Variants in CACNA1E observed in about 807,000 individuals in gnomAD.
CACNA1E encodes the protein calcium voltage-gated channel subunit alpha1 E.
A neutral mutation model predicts 259.2 loss-of-function variants in CACNA1E; 40 were observed. That is an observed-to-expected ratio of 0.15 (90% CI 0.12 to 0.20). CACNA1E has a LOEUF of 0.20. Among genes scored for constraint, CACNA1E ranks in the 10% least tolerant of loss-of-function variants. The pLI is 1.00. For synonymous variants in CACNA1E, 1,104 were observed against 1,138.5 expected (o/e 0.97, Z 0.61); for missense variants, 1,874 against 3,040.1 (o/e 0.62, Z 9.02).
At position 181,694,904 on chromosome 1, in the gene CACNA1E, G is replaced by A. The variant is rs373940621; in HGVS notation, c.1056-16050G>A. Among the ~76,000 whole-genome samples, 18 of 152,146 alleles carry A rather than the reference G, an allele frequency of 1.2e-4. No homozygotes were observed. In the East Asian group the frequency reaches 3.5e-3, roughly 29 times the overall value. The stretch of plus-strand genomic sequence containing the variant: ...ATAAGGAAAGGAAAGAAAATAAAGG[G>A]TACATAAATTGGAAAGGAAAAAATA... On this transcript the variant is annotated intron_variant, in intron 7 of 47. Transcript: ENST00000367573.
intron 6 of CACNA1E, among the ~76,000 whole-genome samples, chr1:181,614,848 C>T (rs1463575443): frequency 6.6e-6 from 1 of 152,144 alleles, no homozygotes. Flanking sequence ...CTAGGTTACA[C>T]AGTTCTGTAA....
At chr1:181,372,298 G>A (rs1440386478) in intron 1 of CACNA1E, among the ~76,000 whole-genome samples, 1 of 152,012 alleles carries the variant, frequency 6.6e-6, no homozygotes, top group Non-Finnish European at 1.5e-5. Flanking sequence ...AGTTCTCATT[G>A]TAGTGAACTT....
At chr1:181,694,845 C>T (rs553238150) in intron 7 of CACNA1E, among the ~76,000 whole-genome samples, 2 of 152,072 alleles carry the variant, frequency 1.3e-5, no homozygotes, top group East Asian at 1.9e-4. Flanking sequence ...TACCACTTGT[C>T]TTTAATGTTG....
intron 8 of CACNA1E, among the ~76,000 whole-genome samples, chr1:181,712,331 C>T (rs775820771): frequency 8.5e-5 from 13 of 152,216 alleles, no homozygotes; most frequent in African/African-American, 1.9e-4. Context: ...AAAAACTACA[C>T]GTATGACAGT....
chr1:181,443,955 G>A (rs1329066197), intron 2 of CACNA1E, among the ~76,000 whole-genome samples: 1 of 152,116 alleles, frequency 6.6e-6, no homozygotes, highest in Non-Finnish European at 1.5e-5. Context: ...GATTTTCTGG[G>A]GCCAGATCAA....
chr1:181,502,004 T>C (rs1451498501), intron 1 of CACNA1E, among the ~76,000 whole-genome samples: 1 of 152,196 alleles, frequency 6.6e-6, no homozygotes, highest in Non-Finnish European at 1.5e-5. Context: ...AGCAATGAGA[T>C]GATGACATGG....
chr1:181,555,925 G>T (rs780254291), intron 3 of CACNA1E, among the ~76,000 whole-genome samples: 1 of 152,146 alleles, frequency 6.6e-6, no homozygotes, highest in Non-Finnish European at 1.5e-5. Flanking sequence ...GTTCAGAAAA[G>T]CTTCCCCCAT....
chr1:181,382,978 T>C (rs904560224), intron 1 of CACNA1E, among the ~76,000 whole-genome samples: 1 of 152,176 alleles, frequency 6.6e-6, no homozygotes, highest in Admixed American at 6.5e-5. Context: ...CAGCCAGCCA[T>C]CTTGTCTTAA....
At chr1:181,332,942 T>C (rs1290209533) in intron 1 of CACNA1E, among the ~76,000 whole-genome samples, 2 of 152,148 alleles carry the variant, frequency 1.3e-5, no homozygotes, top group Non-Finnish European at 2.9e-5. Flanking sequence ...AAGAGGTCCA[T>C]GCAGAATGCA....
chr1:181,455,224 C>T (rs1419265491), intron 2 of CACNA1E, among the ~76,000 whole-genome samples: 1 of 152,146 alleles, frequency 6.6e-6, no homozygotes, highest in Non-Finnish European at 1.5e-5. Flanking sequence ...AAATTTGGCT[C>T]ATCCTTGAAA....
At chr1:181,595,888 A>C (rs1018712490) in intron 6 of CACNA1E, among the ~76,000 whole-genome samples, 2 of 152,204 alleles carry the variant, frequency 1.3e-5, no homozygotes, top group Non-Finnish European at 2.9e-5. Context: ...AGGTGACCAC[A>C]GAGAGTAATT....
intron 43 of CACNA1E, among the ~76,000 whole-genome samples, chr1:181,788,462 A>G (rs1661028074): frequency 6.6e-6 from 1 of 152,172 alleles, no homozygotes; most frequent in South Asian, 2.1e-4. Flanking sequence ...GAAAAGTTGC[A>G]TTTTCAGTGA....
At chr1:181,391,931 CTCTCTCTCTCTCTCTGTG>C (rs1382301648) in intron 1 of CACNA1E, among the ~76,000 whole-genome samples, 64 of 59,926 alleles carry the variant, frequency 1.1e-3, no homozygotes, top group African/African-American at 3.1e-3. Flanking sequence ...CTCTGTCTCT[CTCTCTCTCTCTCTCTGTG>C]TGTGTGTGTG....
At chr1:181,592,846 G>T (rs1295009304) in intron 6 of CACNA1E, among the ~76,000 whole-genome samples, 1 of 152,056 alleles carries the variant, frequency 6.6e-6, no homozygotes, top group East Asian at 1.9e-4. Flanking sequence ...TATTCTGTTA[G>T]TGAATCCACC....
At chr1:181,499,129 C>T (rs1198968534) in intron 1 of CACNA1E, among the ~76,000 whole-genome samples, 1 of 152,156 alleles carries the variant, frequency 6.6e-6, no homozygotes, top group African/African-American at 2.4e-5. Context: ...TGGACTTCTA[C>T]CCAGTGTAAA....
chr1:181,541,850 A>C (rs532575539), intron 3 of CACNA1E, among the ~76,000 whole-genome samples: 1 of 152,352 alleles, frequency 6.6e-6, no homozygotes, highest in South Asian at 2.1e-4. Flanking sequence ...CACAGTGATC[A>C]CTGCTGCTTG....
chr1:181,799,061 G>A lies in CACNA1E; in HGVS notation c.*227G>A. 2.4e-6 allele frequency: 1 copy of A among 424,240 alleles called. No homozygotes were observed. 26.3% of individuals were successfully genotyped at this position (424,240 alleles called of 1,614,324 possible). The stretch of plus-strand genomic sequence containing the variant: ...GGCACTGCCATAGTTCTGCCTCTTT[G>A]CTGGGGAAAGAAACCAGGAACGTGG... On this transcript the variant is annotated 3_prime_UTR_variant, in exon 48 of 48. Transcript: ENST00000367573.
intron 32 of CACNA1E, among the ~76,000 whole-genome samples, chr1:181,759,251 C>A (rs1039855689): frequency 2.6e-5 from 4 of 152,226 alleles, no homozygotes; most frequent in African/African-American, 9.7e-5. Context: ...AAATAACTAT[C>A]TCTCTTAGCC....
chr1:181,652,042 T>G (rs1658807011), intron 7 of CACNA1E: 1 of 152,346 alleles, frequency 6.6e-6, no homozygotes. Flanking sequence ...TCATTTGTTT[T>G]GGGGAAAGGA....
Sources: gnomAD v4.1 joint callset for allele counts (sites outside exome capture counted in the v4.1 genomes callset) on GRCh38, gnomAD v4.1.1 for gene constraint, MANE v1.5 for transcripts, NCBI Gene and HGNC (gene_info 2026-07-23, HGNC 2026-07-21) for gene names.